The following SRP68 variants were observed in gnomAD, a reference collection of about 807,000 sequenced individuals.
SRP68 encodes signal recognition particle 68, also known as signal recognition particle subunit SRP68.
Under a neutral mutation model 82.2 loss-of-function variants are expected in SRP68, and 15 were observed. That is an observed-to-expected ratio of 0.18 (90% CI 0.12 to 0.28). The LOEUF (loss-of-function observed/expected upper bound fraction) is 0.28, where lower values mean the gene tolerates loss of function less well. Ranked by LOEUF, SRP68 falls within the 10% of genes least tolerant of loss-of-function variation. The probability of loss-of-function intolerance (pLI) is 1.00; values close to 1 mark genes in which losing one functional copy is unlikely to be tolerated. For synonymous variants in SRP68, 261 were observed against 292.6 expected (o/e 0.89, Z 1.10); for missense variants, 595 against 780.5 (o/e 0.76, Z 2.83).
chr17:76,056,516 G>A (rs945488187), intron 8 of SRP68, among the ~76,000 whole-genome samples: 3 of 152,264 alleles, frequency 2.0e-5, no homozygotes, highest in Non-Finnish European at 4.4e-5. Flanking sequence ...CAAATAAAAG[G>A]GATATGAGAC....
At chr17:76,055,423 C>A (rs1040422433) in intron 8 of SRP68, among the ~76,000 whole-genome samples, 1 of 152,056 alleles carries the variant, frequency 6.6e-6, no homozygotes, top group Non-Finnish European at 1.5e-5. Flanking sequence ...AGTCTTTTAT[C>A]TCTCACTCCC....
chr17:76,045,598 C>T (rs1163485634), intron 11 of SRP68, among the ~76,000 whole-genome samples: 1 of 152,174 alleles, frequency 6.6e-6, no homozygotes, highest in Non-Finnish European at 1.5e-5. Flanking sequence ...CCCTTTACAA[C>T]TCAACTCAGC....
At chr17:76,069,778 A>G (rs1310942038) in intron 2 of SRP68, among the ~76,000 whole-genome samples, 4 of 151,636 alleles carry the variant, frequency 2.6e-5, no homozygotes, top group Admixed American at 2.6e-4. Context: ...TTTAAAAGAA[A>G]AAAAAAAAAA....
intron 10 of SRP68, among the ~76,000 whole-genome samples, chr17:76,047,205 C>A (rs1017538400): frequency 6.6e-6 from 1 of 152,094 alleles, no homozygotes; most frequent in Admixed American, 6.5e-5. Context: ...CAGCCTTGAC[C>A]TCCCTGGGCT....
chr17:76,051,089 T>C (rs1456458127), intron 8 of SRP68, among the ~76,000 whole-genome samples: 1 of 152,178 alleles, frequency 6.6e-6, no homozygotes, highest in East Asian at 1.9e-4. Flanking sequence ...AAAAGACAGT[T>C]CTCCTAAATA....
chr17:76,064,051 G>A lies in SRP68; in HGVS notation c.486C>T (p.Ala162=), dbSNP rs760970999. ...RFHLLSRLRK[A]VKHAEELERL... Reference sequence around the variant, plus strand: ...GTTCCAATTCCTCTGCATGCTTCACGGCTTTGCGTAGGCGAGATAACAAGT... The same window carrying A: ...GTTCCAATTCCTCTGCATGCTTCACAGCTTTGCGTAGGCGAGATAACAAGT... Residue 162 remains alanine (A), a synonymous_variant, in exon 4 of 16, where the codon GCC becomes GCT. Transcript: ENST00000307877. 9.9e-6 allele frequency: 16 copies of A among 1,614,076 alleles called. No homozygotes were observed. The highest frequency in any genetic ancestry group is 4.4e-5 in the South Asian group (4 of 91,088).
Position 76,039,827 on chromosome 17 carries a change from G to A in SRP68, c.1763C>T (p.Pro588Leu). The change falls in exon 16 of 16, where the codon CCT becomes CTT. Residue 588 changes from proline to leucine, a missense_variant. Pro to Leu is a moderately conservative substitution (Grantham distance 98, BLOSUM62 -3). Transcript: ENST00000307877. Reference protein sequence around the residue: ...PPGFQPIPCKPLFFDLALNHV... With the variant: ...PPGFQPIPCKLLFFDLALNHV... ...GTTGAGGGCCAGGTCAAAGAACAAA[G>A]GCTTGCAGGGAATGGGCTGGAAGCC... The A allele has an allele frequency of 6.2e-7, 1 of 1,614,242 alleles. No individual in the cohort carries two copies.
Position 76,072,001 on chromosome 17 carries a change from G to A in SRP68, c.184+307C>T. On this transcript the variant is annotated intron_variant, in intron 1 of 15. Coordinates refer to ENST00000307877, the MANE Select transcript of SRP68 (RefSeq NM_014230.4). The surrounding 1 kb of genome is among the most constrained non-coding windows in gnomAD (Gnocchi z 4.5). ...GTGGCTCAAGGTGCCAAAGCAAGGT[G>A]CTCAAGGTGTCACTTGGTCACAAGC... is the stretch of plus-strand genomic sequence containing the variant. 2.0e-6 allele frequency: 1 copy of A among 495,794 alleles called. No homozygotes were observed. Among genetic ancestry groups the A allele is most frequent in the Non-Finnish European group, 3.5e-6 (1 of 282,002 alleles). 30.7% of individuals were successfully genotyped at this position (495,794 alleles called of 1,614,324 possible).
At chr17:76,047,839 T>C (rs1034685371) in intron 10 of SRP68, 67 bp downstream of exon 10, 5 of 820,500 alleles carry the variant, frequency 6.1e-6, no homozygotes, top group Non-Finnish European at 7.0e-6. Context: ...ACATAAATAT[T>C]ACATATACTC....
At chr17:76,040,186 G>A (rs1460865035) in intron 15 of SRP68, among the ~76,000 whole-genome samples, 1 of 152,224 alleles carries the variant, frequency 6.6e-6, no homozygotes, top group Non-Finnish European at 1.5e-5. Flanking sequence ...ACGAGTTAGA[G>A]CTCTTACCCA....
At chr17:76,055,871 G>A (rs1296037064) in intron 8 of SRP68, among the ~76,000 whole-genome samples, 2 of 133,848 alleles carry the variant, frequency 1.5e-5, no homozygotes, top group East Asian at 4.7e-4. Flanking sequence ...ATAGTGGTGT[G>A]ATTTCAGCTC....
chr17:76,048,523 T>TGCAGAAGATGGATG (rs1264053176), intron 9 of SRP68: 1 of 152,162 alleles, frequency 6.6e-6, no homozygotes, highest in Non-Finnish European at 1.5e-5. Flanking sequence ...GGCAGATGGG[T>TGCAGAAGATGGATG]CAGAGATGCA....
rs762064112 is a variant in SRP68 at position 76,047,899 on chromosome 17, C to A, written c.1142+7G>T. Reference sequence around the variant, plus strand: ...TTAAAAAGTAAAAAAATTAAAATAACCCTTACCTATGCAAGTATTGAAGAT... The same window carrying A: ...TTAAAAAGTAAAAAAATTAAAATAAACCTTACCTATGCAAGTATTGAAGAT... On this transcript the variant is annotated splice_region_variant and intron_variant, in intron 10 of 15. Transcript: ENST00000307877. 3.9e-5 allele frequency: 58 copies of A among 1,492,922 alleles called. No homozygotes were observed. The highest frequency in any genetic ancestry group is 5.2e-5 in the Non-Finnish European group (57 of 1,105,862). The allele number at this position is 1,492,922 out of a possible 1,614,324, so 92.5% of individuals were successfully genotyped here. A position where few individuals can be genotyped will look rare whatever the true frequency, so the allele number is the denominator to read the frequency against.
At chr17:76,060,193 G>T in intron 7 of SRP68, 115 bp downstream of exon 7, 10 of 377,646 alleles carry the variant, frequency 2.6e-5, no homozygotes, top group South Asian at 1.8e-4. Context: ...GTAGATATTT[G>T]CTAATACAGA....
intron 8 of SRP68, chr17:76,053,506 C>G: frequency 1.0e-6 from 1 of 985,324 alleles, no homozygotes; most frequent in Non-Finnish European, 1.2e-6. Flanking sequence ...AGTTTAAAAC[C>G]TCTTGACTGC....
chr17:76,057,463 C>A lies in SRP68; in HGVS notation c.918G>T (p.Lys306Asn), dbSNP rs1167903961. The change falls in exon 8 of 16, where the codon AAG (lysine) becomes AAT (asparagine). Residue 306 changes from lysine (K) to asparagine (N), a missense_variant. Around this residue, in one of 2 missense-constraint regions of SRP68, gnomAD observed 495 missense variants for 688.6 expected, o/e 0.72. Transcript: ENST00000307877. ...ATAAGAAAATGCGCACTTTGTCAAT[C>A]TTCACTGGAACCGTTCTCCCTCTCC... is the stretch of plus-strand genomic sequence containing the variant. ...VEWRGRTVPV[K>N]IDKVRIFLLG... 4 of 1,613,988 alleles carry A rather than the reference C, an allele frequency of 2.5e-6. No individual in the cohort carries two copies. The highest frequency in any genetic ancestry group is 3.4e-6 in the Non-Finnish European group (4 of 1,180,002).
At chr17:76,062,832 A>G (rs1399345510) in intron 4 of SRP68, among the ~76,000 whole-genome samples, 2 of 136,902 alleles carry the variant, frequency 1.5e-5, no homozygotes, top group East Asian at 4.1e-4. Context: ...GCGCAGTGGC[A>G]CAATCTCAGC....
intron 2 of SRP68, among the ~76,000 whole-genome samples, chr17:76,068,276 C>T (rs771598188): frequency 2.7e-5 from 4 of 149,828 alleles, no homozygotes; most frequent in African/African-American, 4.9e-5. Context: ...TGGGCAACAA[C>T]AGTAAAACTC....
chr17:76,040,177 C>T (rs900431850), intron 15 of SRP68, among the ~76,000 whole-genome samples: 4 of 152,152 alleles, frequency 2.6e-5, no homozygotes, highest in African/African-American at 7.2e-5. Flanking sequence ...GGCCATGTTA[C>T]GAGTTAGAGC....
Sources: allele counts gnomAD v4.1 joint callset (sites outside exome capture counted in the v4.1 genomes callset), GRCh38; gene constraint gnomAD v4.1.1; regional missense constraint gnomAD v4.1.1; non-coding constraint Gnocchi (gnomAD v3.1); transcripts MANE v1.5; gene names NCBI Gene and HGNC (gene_info 2026-07-23, HGNC 2026-07-21).